Variants in ANKS1B observed in about 807,000 individuals in gnomAD.
ANKS1B encodes the protein ankyrin repeat and sterile alpha motif domain containing 1B.
ANKS1B carries 36 observed loss-of-function variants against 148.3 expected under a neutral mutation model. The ratio of observed to expected loss-of-function variants is 0.24; its 90% CI spans 0.19 to 0.32. ANKS1B has a LOEUF of 0.32. Among genes scored for constraint, ANKS1B ranks in the 10% least tolerant of loss-of-function variants. The pLI is 1.00. For synonymous variants in ANKS1B, 542 were observed against 560.8 expected (o/e 0.97, Z 0.47); for missense variants, 1,157 against 1,542.6 (o/e 0.75, Z 4.19).
intron 15 of ANKS1B, among the ~76,000 whole-genome samples, chr12:99,136,377 T>C (rs1323400951): frequency 6.6e-6 from 1 of 152,176 alleles, no homozygotes; most frequent in Non-Finnish European, 1.5e-5. Flanking sequence ...CTAAGGTCTC[T>C]AGTATTATGG....
chr12:99,423,842 T>C (rs1014451347), intron 11 of ANKS1B, among the ~76,000 whole-genome samples: 1 of 151,784 alleles, frequency 6.6e-6, no homozygotes, highest in African/African-American at 2.4e-5. Flanking sequence ...TATTGGAGGG[T>C]GGAGGGTGGG....
chr12:99,303,019 C>T (rs1178878444), intron 12 of ANKS1B, among the ~76,000 whole-genome samples: 1 of 152,022 alleles, frequency 6.6e-6, no homozygotes, highest in Non-Finnish European at 1.5e-5. Flanking sequence ...TGCACAAGGG[C>T]CACCTCATGA....
At chr12:98,819,077 T>G (rs1013902899) in intron 19 of ANKS1B, among the ~76,000 whole-genome samples, 2 of 152,214 alleles carry the variant, frequency 1.3e-5, no homozygotes, top group African/African-American at 4.8e-5. Context: ...TGAGGTAAGA[T>G]TCTTAAAATG....
chr12:99,637,058 C>A (rs2098244794), intron 9 of ANKS1B, among the ~76,000 whole-genome samples: 1 of 152,156 alleles, frequency 6.6e-6, no homozygotes, highest in Non-Finnish European at 1.5e-5. Context: ...GTAATCCTTG[C>A]ACTTTGGGAG....
At chr12:99,355,132 A>G (rs1313231211) in intron 12 of ANKS1B, among the ~76,000 whole-genome samples, 1 of 152,082 alleles carries the variant, frequency 6.6e-6, no homozygotes, top group Non-Finnish European at 1.5e-5. Context: ...TTATCTCAAA[A>G]TCTTTGTAAA....
intron 9 of ANKS1B, among the ~76,000 whole-genome samples, chr12:99,586,325 C>T (rs1007688520): frequency 1.3e-5 from 2 of 152,164 alleles, no homozygotes; most frequent in African/African-American, 2.4e-5. Context: ...CAAGAGTGAC[C>T]TTTACTCCAG....
At chr12:99,777,305 C>T (rs981049619) in intron 6 of ANKS1B, among the ~76,000 whole-genome samples, 3 of 152,132 alleles carry the variant, frequency 2.0e-5, no homozygotes, top group African/African-American at 7.2e-5. Context: ...ACAGAGATGA[C>T]GTGTTCACAT....
At chr12:99,957,283 C>T (rs1227375918) in intron 1 of ANKS1B, among the ~76,000 whole-genome samples, 3 of 152,138 alleles carry the variant, frequency 2.0e-5, no homozygotes, top group Non-Finnish European at 4.4e-5. Context: ...GATGCCTGCT[C>T]CCCTTCACCT....
At position 99,317,958 on chromosome 12, in the gene ANKS1B, G is replaced by A. The variant is rs186791648; in HGVS notation, c.1757-71094C>T. 4.6e-5 allele frequency among the ~76,000 whole-genome samples: 7 copies of A among 152,240 alleles called. No homozygotes were observed. The East Asian group carries it at 9.6e-4, about 21-fold the overall frequency. On this transcript the variant is annotated intron_variant, in intron 12 of 26. Coordinates refer to ENST00000683438, the MANE Select transcript of ANKS1B (RefSeq NM_001352186.2). ...TTGTCTTTGGTTCTGTTTATATGACGGATTAAGTTTATTGATTTGCATATG... is the reference window on the plus strand; with the variant it reads ...TTGTCTTTGGTTCTGTTTATATGACAGATTAAGTTTATTGATTTGCATATG...
At chr12:99,313,923 T>C (rs571257298) in intron 12 of ANKS1B, among the ~76,000 whole-genome samples, 9 of 152,232 alleles carry the variant, frequency 5.9e-5, no homozygotes, top group African/African-American at 2.2e-4. Context: ...GCTAGGGCAA[T>C]CAGGCAAGAG....
chr12:99,504,433 G>C, intron 10 of ANKS1B, 43 bp downstream of exon 10: 2 of 1,580,006 alleles, frequency 1.3e-6, no homozygotes, highest in Non-Finnish European at 1.7e-6. Flanking sequence ...ATATGAATAA[G>C]CAAGTAAATT....
At chr12:98,778,730 C>G (rs916832675) in intron 24 of ANKS1B, among the ~76,000 whole-genome samples, 6 of 152,178 alleles carry the variant, frequency 3.9e-5, no homozygotes, top group African/African-American at 1.4e-4. Context: ...GTCCTCCCAC[C>G]CTGGCTGATG....
At position 99,564,783 on chromosome 12, in the gene ANKS1B, T is replaced by G. The variant is rs2097371940; in HGVS notation, c.1273-60142A>C. 2.0e-5 allele frequency among the ~76,000 whole-genome samples: 3 copies of G among 152,152 alleles called. No individual in the cohort carries two copies. The South Asian group carries it at 6.2e-4, about 31-fold the overall frequency. Reference sequence around the variant, plus strand: ...ACTGCAATCTCCTTGTTGCTATATCTTGAAATTTTTCAAACTTGAAATTAA... The same window carrying G: ...ACTGCAATCTCCTTGTTGCTATATCGTGAAATTTTTCAAACTTGAAATTAA... On this transcript the variant is annotated intron_variant, in intron 9 of 26. Transcript: ENST00000683438.
intron 12 of ANKS1B, among the ~76,000 whole-genome samples, chr12:99,283,466 G>A (rs1241634238): frequency 6.6e-6 from 1 of 152,174 alleles, no homozygotes; most frequent in African/African-American, 2.4e-5. Context: ...TGTGTTTTGT[G>A]AGGAGTCAGG....
chr12:99,582,804 T>C (rs934261357), intron 9 of ANKS1B, among the ~76,000 whole-genome samples: 5 of 152,060 alleles, frequency 3.3e-5, no homozygotes, highest in Non-Finnish European at 7.4e-5. Context: ...ATAACTACAA[T>C]TCATGAATTT....
At chr12:99,939,832 AAGG>A (rs1358008315) in intron 1 of ANKS1B, among the ~76,000 whole-genome samples, 1 of 152,204 alleles carries the variant, frequency 6.6e-6, no homozygotes, top group African/African-American at 2.4e-5. Flanking sequence ...TCCTTTGTAA[AAGG>A]AGATTCACTA....
intron 22 of ANKS1B, among the ~76,000 whole-genome samples, chr12:98,784,302 T>C (rs181123333): frequency 6.6e-6 from 1 of 152,096 alleles, no homozygotes; most frequent in Admixed American, 6.5e-5. Context: ...CAGGGGAAGA[T>C]GAAATCCCAA....
At chr12:99,396,768 G>A (rs2094257735) in intron 12 of ANKS1B, among the ~76,000 whole-genome samples, 1 of 152,104 alleles carries the variant, frequency 6.6e-6, no homozygotes, top group Non-Finnish European at 1.5e-5. Flanking sequence ...AGGGGAAAAG[G>A]TAATATTCCT....
intron 11 of ANKS1B, among the ~76,000 whole-genome samples, chr12:99,424,106 T>A (rs1332312854): frequency 6.6e-6 from 1 of 152,236 alleles, no homozygotes; most frequent in Non-Finnish European, 1.5e-5. Flanking sequence ...CTTGCACATA[T>A]ACATATATAT....
Sources: allele counts gnomAD v4.1 joint callset (sites outside exome capture counted in the v4.1 genomes callset), GRCh38; gene constraint gnomAD v4.1.1; transcripts MANE v1.5; gene names NCBI Gene and HGNC (gene_info 2026-07-23, HGNC 2026-07-21).